The following PJA2 variants were observed in gnomAD, a reference collection of about 807,000 sequenced individuals.
The protein encoded by PJA2 is praja ring finger ubiquitin ligase 2, also known as E3 ubiquitin-protein ligase Praja-2.
In PJA2, 25 loss-of-function variants were observed where a neutral mutation model predicts 69.3. The ratio of observed to expected loss-of-function variants is 0.36; its 90% CI spans 0.26 to 0.50. The LOEUF is 0.50. Ranked by LOEUF, PJA2 falls within the 20% of genes least tolerant of loss-of-function variation. The pLI, the probability that PJA2 is intolerant of heterozygous loss-of-function variation, is 0.96. For missense variants in PJA2, 809 were observed against 830.2 expected (o/e 0.97, Z 0.31); for synonymous variants, 308 against 277.8 (o/e 1.11, Z -1.08).
chr5:109,394,912 G>A (rs1353713720), intron 1 of PJA2, among the ~76,000 whole-genome samples: 1 of 152,110 alleles, frequency 6.6e-6, no homozygotes. Flanking sequence ...CTCTGGGTAG[G>A]GGGTGAATAG....
intron 9 of PJA2, among the ~76,000 whole-genome samples, chr5:109,337,917 C>G (rs1261982281): frequency 6.6e-6 from 1 of 152,088 alleles, no homozygotes; most frequent in African/African-American, 2.4e-5. Context: ...TTCAGACTTT[C>G]TTTCTAAGCC....
intron 9 of PJA2, among the ~76,000 whole-genome samples, chr5:109,340,627 TC>T (rs1561338567): frequency 2.3e-3 from 1 of 432 alleles, no homozygotes. Context: ...TCCCTCCCCC[TC>T]CCCCTCCCCC....
chr5:109,345,543 T>C (rs1026706885), intron 7 of PJA2, among the ~76,000 whole-genome samples: 18 of 151,216 alleles, frequency 1.2e-4, no homozygotes, highest in Non-Finnish European at 2.5e-4. Context: ...AACTACCTTG[T>C]CTCAATAATC....
At position 109,378,760 on chromosome 5, in the gene PJA2, C is replaced by T. The variant is rs771171894; in HGVS notation, c.727G>A (p.Ala243Thr). 1.9e-6 allele frequency: 3 copies of T among 1,612,366 alleles called. No individual in the cohort carries two copies. In the Admixed American group the frequency reaches 5.0e-5, roughly 27 times the overall value. The change falls in exon 4 of 10, where the codon GCT (alanine) becomes ACT (threonine). Residue 243 changes from alanine (A) to threonine (T), a missense_variant. Around this residue, in one of 4 missense-constraint regions of PJA2, gnomAD observed 700 missense variants for 639.5 expected, o/e 1.09. Transcript: ENST00000361189. The part of the protein sequence containing the change: ...LDSVPLVKSS[A>T]GDTEFVHQNS... ...TGATGGACAAACTCAGTATCACCAGCAGAACTTTTCACTAATGGTACAGAA... is the reference window on the plus strand; with the variant it reads ...TGATGGACAAACTCAGTATCACCAGTAGAACTTTTCACTAATGGTACAGAA...
Position 109,356,001 on chromosome 5 carries a change from G to T in PJA2, c.1678C>A (p.Leu560Ile). 6.2e-7 allele frequency: 1 copy of T among 1,611,546 alleles called. No homozygotes were observed. The highest frequency in any genetic ancestry group is 8.5e-7 in the Non-Finnish European group (1 of 1,179,284). The part of the protein sequence containing the change: ...WSLFDGFADG[L>I]GVAEAISYVD... ...TATGAAATAGCTTCAGCAACTCCTA[G>T]TCCATCTGCAAAGCCATCAAATAGG... The change falls in exon 7 of 10, where the codon CTA (leucine) becomes ATA (isoleucine). Residue 560 changes from leucine to isoleucine, a missense_variant. By Grantham distance (5) the Leu-to-Ile change is conservative. This residue lies in a region of PJA2 where 55 missense variants were observed against 90.7 expected (regional missense o/e 0.61). Transcript: ENST00000361189.
chr5:109,377,117 G>T (rs985569644), intron 4 of PJA2, among the ~76,000 whole-genome samples: 2 of 151,936 alleles, frequency 1.3e-5, no homozygotes, highest in African/African-American at 4.8e-5. Flanking sequence ...CAGAGCAGCA[G>T]AAATTATATT....
At chr5:109,356,897 T>A (rs542435520) in intron 6 of PJA2, among the ~76,000 whole-genome samples, 134 of 152,188 alleles carry the variant, frequency 8.8e-4, no homozygotes, top group Non-Finnish European at 1.4e-3. Context: ...TGTCTCACTT[T>A]GGTCCTACTC....
In PJA2 at chr5:109,356,040, A is replaced by T; in HGVS notation, c.1653-14T>A. ...CCATCAAATAGGCTGAAAAAAAAAAAAAATAACAGAAAAAACTCACCACTA... is the reference window on the plus strand; with the variant it reads ...CCATCAAATAGGCTGAAAAAAAAAATAAATAACAGAAAAAACTCACCACTA... On this transcript the variant is annotated splice_polypyrimidine_tract_variant and intron_variant, in intron 6 of 9. Transcript: ENST00000361189. 1.9e-6 allele frequency: 3 copies of T among 1,567,392 alleles called. No individual in the cohort carries two copies. The highest frequency in any genetic ancestry group is 2.6e-6 in the Non-Finnish European group (3 of 1,144,246).
chr5:109,353,461 ACCTATATC>A (rs1762313747), intron 7 of PJA2, among the ~76,000 whole-genome samples: 3 of 120,300 alleles, frequency 2.5e-5, no homozygotes, highest in Non-Finnish European at 5.5e-5. Flanking sequence ...TATATTAGAT[ACCTATATC>A]TATAGATATC....
chr5:109,368,810 T>C, intron 4 of PJA2, 64 bp from the exon 5 acceptor site: 3 of 1,478,292 alleles, frequency 2.0e-6, no homozygotes, highest in Non-Finnish European at 2.7e-6. Context: ...TTTGGGGTGT[T>C]AACTAGATGA....
At chr5:109,344,100 CAAAAAAAAAAA>C (rs916556182) in intron 9 of PJA2, 79 bp downstream of exon 9, 1 of 376,004 alleles carries the variant, frequency 2.7e-6, no homozygotes, top group Non-Finnish European at 3.7e-6. Flanking sequence ...TTTGTCTCAC[CAAAAAAAAAAA>C]AAAAAAAAAG....
rs577448736 is a variant in PJA2, at chr5:109,362,434, A to C, written c.1652+406T>G. ...TTTACATAGAGAAGGAAAAGGAAGA[A>C]TAGGGAAGGAGAACTATTCTTATTG... On this transcript the variant is annotated intron_variant, in intron 6 of 9. Coordinates refer to ENST00000361189, the MANE Select transcript of PJA2 (RefSeq NM_014819.5). Among the ~76,000 whole-genome samples, 8 of 152,348 alleles carry C rather than the reference A, an allele frequency of 5.3e-5. No individual in the cohort carries two copies. The East Asian group carries it at 1.5e-3, about 29-fold the overall frequency.
At chr5:109,361,165 T>C (rs1311040742) in intron 6 of PJA2, among the ~76,000 whole-genome samples, 3 of 152,198 alleles carry the variant, frequency 2.0e-5, no homozygotes, top group Non-Finnish European at 4.4e-5. Context: ...AAGACTTCCA[T>C]TATTCCTTCA....
chr5:109,364,663 G>A (rs1415640587), intron 5 of PJA2, among the ~76,000 whole-genome samples: 2 of 141,866 alleles, frequency 1.4e-5, no homozygotes, highest in Non-Finnish European at 1.6e-5. Context: ...TTCTAAGCAT[G>A]ATATAAAACC....
intron 1 of PJA2, among the ~76,000 whole-genome samples, chr5:109,384,679 A>T (rs1268833994): frequency 6.6e-6 from 1 of 152,230 alleles, no homozygotes; most frequent in Admixed American, 6.5e-5. Context: ...CATATAATTT[A>T]TAAATTCAGT....
Position 109,359,917 on chromosome 5 carries a change from TAAAG to T in PJA2, c.1652+2919_1652+2922del, listed in dbSNP as rs528012534. On this transcript the variant is annotated intron_variant, in intron 6 of 9. Coordinates refer to ENST00000361189, the MANE Select transcript of PJA2 (RefSeq NM_014819.5). ...AAATTCATTCTAGAATAATTACAAGTAAAGAAAGGGACATCATGCCTGCAACTTA... is the reference window on the plus strand; with the variant it reads ...AAATTCATTCTAGAATAATTACAAGTAAAGGGACATCATGCCTGCAACTTA... 5.9e-5 allele frequency among the ~76,000 whole-genome samples: 9 copies of T among 152,158 alleles called. No individual in the cohort carries two copies. In the South Asian group the frequency reaches 1.9e-3, roughly 32 times the overall value.
At chr5:109,353,440 A>AGATATCTATATATTAGATACCTATATC (rs1762312266) in intron 7 of PJA2, among the ~76,000 whole-genome samples, 6 of 44,460 alleles carry the variant, frequency 1.3e-4, no homozygotes, top group Non-Finnish European at 3.0e-4. Context: ...ATACCTATAT[A>AGATATCTATATATTAGATACCTATATC]TAGATATCTA....
At chr5:109,367,351 T>G (rs1028008420) in intron 5 of PJA2, among the ~76,000 whole-genome samples, 3 of 149,504 alleles carry the variant, frequency 2.0e-5, no homozygotes, top group Non-Finnish European at 2.9e-5. Flanking sequence ...CTTTGAGAAG[T>G]ACAAGTTTTA....
chr5:109,365,707 T>C (rs1177991645), intron 5 of PJA2, among the ~76,000 whole-genome samples: 1 of 152,226 alleles, frequency 6.6e-6, no homozygotes, highest in Non-Finnish European at 1.5e-5. Context: ...ACTTGTGTCA[T>C]TAAATCTGTA....
Sources: allele counts gnomAD v4.1 joint callset (sites outside exome capture counted in the v4.1 genomes callset), GRCh38; gene constraint gnomAD v4.1.1; regional missense constraint gnomAD v4.1.1; transcripts MANE v1.5; gene names NCBI Gene and HGNC (gene_info 2026-07-23, HGNC 2026-07-21).